LRRC37A2: variants seen among roughly 807,000 people sequenced by gnomAD.
LRRC37A2 encodes leucine-rich repeat-containing protein 37A2.
A neutral mutation model predicts 68.8 loss-of-function variants in LRRC37A2; 9 were observed. That is an observed-to-expected ratio of 0.13 (90% CI 0.08 to 0.23). LRRC37A2 has a LOEUF of 0.23. Ranked by LOEUF, LRRC37A2 falls within the 10% of genes least tolerant of loss-of-function variation. The probability of loss-of-function intolerance (pLI) is 1.00; values close to 1 mark genes in which losing one functional copy is unlikely to be tolerated. For missense variants in LRRC37A2, 168 were observed against 950.4 expected, an observed-to-expected ratio of 0.18 and a Z score of 10.82; for synonymous variants, 63 against 367.6, an observed-to-expected ratio of 0.17 and a Z score of 9.48.
At chr17:46,716,296 G>A in the LRRC37A2 span, among the ~76,000 whole-genome samples, 5 of 145,776 alleles carry the variant, frequency 3.4e-5, no homozygotes, top group African/African-American at 5.1e-5. Context: ...TTGCTCTGTC[G>A]CCCAGGCTGG....
the LRRC37A2 span, among the ~76,000 whole-genome samples, chr17:46,716,341 C>T: frequency 2.0e-5 from 3 of 151,418 alleles, no homozygotes; most frequent in African/African-American, 7.3e-5. Context: ...ACTGCAAGCT[C>T]CACCTCCCGG....
the LRRC37A2 span, chr17:46,773,622 C>CGGG: frequency 2.0e-6 from 1 of 506,092 alleles, no homozygotes; most frequent in Non-Finnish European, 3.7e-6. Context: ...GTCCTGATCC[C>CGGG]TCCCCCCACC....
At chr17:46,487,016 C>T in the LRRC37A2 span, 1 of 694,762 alleles carries the variant, frequency 1.4e-6, no homozygotes, top group East Asian at 2.9e-5. Context: ...TCTTGGAAGT[C>T]CTTACATTTT....
At chr17:46,876,366 G>A in the LRRC37A2 span, 639 of 1,613,932 alleles carry the variant, frequency 4.0e-4, no homozygotes, top group Non-Finnish European at 4.9e-4. Context: ...CTGAAACTGC[G>A]CTATGACTCG....
At chr17:46,990,845 A>G in the LRRC37A2 span, among the ~76,000 whole-genome samples, 1 of 151,996 alleles carries the variant, frequency 6.6e-6, no homozygotes, top group Admixed American at 6.6e-5. Flanking sequence ...TAATTTTCAT[A>G]TATTTGGTAG....
the LRRC37A2 span, among the ~76,000 whole-genome samples, chr17:47,047,812 G>A: frequency 2.1e-3 from 324 of 151,530 alleles, 1 homozygote; most frequent in African/African-American, 7.5e-3. Context: ...TCCATTCTTA[G>A]ACCATCCAAC....
chr17:47,020,806 A>AAAAAAAAAAAAT, the LRRC37A2 span, among the ~76,000 whole-genome samples: 1 of 131,202 alleles, frequency 7.6e-6, no homozygotes, highest in Non-Finnish European at 1.7e-5. Flanking sequence ...AAAAAAAAAA[A>AAAAAAAAAAAAT]TAGGAGGGAA....
At chr17:46,816,744 G>A in the LRRC37A2 span, among the ~76,000 whole-genome samples, 1 of 152,138 alleles carries the variant, frequency 6.6e-6, no homozygotes, top group African/African-American at 2.4e-5. Context: ...CGGAGAGACT[G>A]GTCTCTCTTC....
At chr17:46,737,627 ACTGGTGTCC>A in the LRRC37A2 span, among the ~76,000 whole-genome samples, 1 of 151,644 alleles carries the variant, frequency 6.6e-6, no homozygotes, top group East Asian at 1.9e-4. Context: ...GCAGAAGCTA[ACTGGTGTCC>A]CTGTCACAAT....
At chr17:46,727,515 A>C in the LRRC37A2 span, among the ~76,000 whole-genome samples, 2 of 152,146 alleles carry the variant, frequency 1.3e-5, no homozygotes, top group Non-Finnish European at 2.9e-5. Context: ...AACTGTTCTT[A>C]CTGCATTTTT....
the LRRC37A2 span, among the ~76,000 whole-genome samples, chr17:46,958,698 A>C: frequency 6.6e-6 from 1 of 152,240 alleles, no homozygotes; most frequent in Admixed American, 6.5e-5. Flanking sequence ...CCTAGCCTCC[A>C]GAGGTCCTCA....
chr17:46,880,754 C>A, the LRRC37A2 span, among the ~76,000 whole-genome samples: 1 of 152,086 alleles, frequency 6.6e-6, no homozygotes, highest in African/African-American at 2.4e-5. Context: ...ATAGGTCGGG[C>A]AGGGATGGAT....
the LRRC37A2 span, chr17:46,875,224 G>T: frequency 2.5e-6 from 4 of 1,614,104 alleles, no homozygotes; most frequent in South Asian, 3.3e-5. Context: ...GGGCTGGAGA[G>T]CCGGCAGGCC....
chr17:46,909,491 T>A, the LRRC37A2 span, among the ~76,000 whole-genome samples: 1 of 152,162 alleles, frequency 6.6e-6, no homozygotes, highest in South Asian at 2.1e-4. Context: ...CATATTAATA[T>A]TTTACCTTTT....
chr17:46,970,751 T>A, the LRRC37A2 span, among the ~76,000 whole-genome samples: 1 of 152,164 alleles, frequency 6.6e-6, no homozygotes, highest in Non-Finnish European at 1.5e-5. Context: ...GATGTTTGCA[T>A]AAAAGAGAAC....
the LRRC37A2 span, among the ~76,000 whole-genome samples, chr17:46,888,802 CCACCAATGCACCTGGTGCTGTG>C: frequency 1.3e-5 from 2 of 152,156 alleles, no homozygotes; most frequent in African/African-American, 4.8e-5. Flanking sequence ...TTTCTGAGCA[CCACCAATGCACCTGGTGCTGTG>C]CAAAATGCTT....
At chr17:46,406,014 C>T in the LRRC37A2 span, among the ~76,000 whole-genome samples, 5 of 125,922 alleles carry the variant, frequency 4.0e-5, no homozygotes, top group Non-Finnish European at 8.5e-5. Flanking sequence ...TTCGTAGCCA[C>T]CTGGGATCTC....
chr17:46,710,305 TA>T, the LRRC37A2 span, among the ~76,000 whole-genome samples: 2 of 152,314 alleles, frequency 1.3e-5, no homozygotes, highest in Non-Finnish European at 2.9e-5. Context: ...CCTTTGAGAT[TA>T]AAAGTTGACA....
chr17:46,879,966 G>A, the LRRC37A2 span, among the ~76,000 whole-genome samples: 1 of 152,202 alleles, frequency 6.6e-6, no homozygotes, highest in African/African-American at 2.4e-5. Flanking sequence ...ACACCACTGG[G>A]CCCCTCCCAA....
Sources: gnomAD v4.1 joint callset for allele counts (sites outside exome capture counted in the v4.1 genomes callset) on GRCh38, gnomAD v4.1.1 for gene constraint, MANE v1.5 for transcripts, NCBI Gene and HGNC (gene_info 2026-07-23, HGNC 2026-07-21) for gene names.